Variants in CACNB4 observed in about 807,000 individuals in gnomAD.
CACNB4 encodes voltage-dependent L-type calcium channel subunit beta-4.
Under a neutral mutation model 71.2 loss-of-function variants are expected in CACNB4, and 32 were observed. That is an observed-to-expected ratio of 0.45 (90% confidence interval 0.34 to 0.60). CACNB4 has a LOEUF of 0.60. Among genes scored for constraint, CACNB4 ranks in the 20% least tolerant of loss-of-function variants. CACNB4 has a pLI of 0.01. For synonymous variants in CACNB4, 231 were observed against 236.9 expected (o/e 0.97, Z 0.23); for missense variants, 464 against 647.9 (o/e 0.72, Z 3.08).
intron 2 of CACNB4, chr2:151,883,941 G>C (rs182444003): frequency 1.7e-5 from 3 of 171,736 alleles, no homozygotes; most frequent in African/African-American, 7.2e-5. Context: ...ACACTGAGCA[G>C]AAAAACAACC....
At chr2:152,093,040 G>A (rs1328217696) in intron 2 of CACNB4, among the ~76,000 whole-genome samples, 1 of 152,088 alleles carries the variant, frequency 6.6e-6, no homozygotes, top group Non-Finnish European at 1.5e-5. Flanking sequence ...TCAGACCTCA[G>A]TTGACCGCAG....
chr2:151,952,891 C>T (rs903600464), intron 2 of CACNB4, among the ~76,000 whole-genome samples: 4 of 152,122 alleles, frequency 2.6e-5, no homozygotes, highest in South Asian at 2.1e-4. Flanking sequence ...GGATGAAAAC[C>T]GGTTTCTAGC....
chr2:152,042,898 G>A (rs891121918), intron 2 of CACNB4, among the ~76,000 whole-genome samples: 16 of 152,194 alleles, frequency 1.1e-4, no homozygotes, highest in African/African-American at 3.1e-4. Flanking sequence ...TAACGAAGCC[G>A]GCTAAAACCC....
chr2:151,870,287 A>G (rs887935371), intron 8 of CACNB4: 1 of 703,112 alleles, frequency 1.4e-6, no homozygotes, highest in East Asian at 2.7e-5. Context: ...AGATCTTCCC[A>G]TTGTGAATAT....
intron 2 of CACNB4, among the ~76,000 whole-genome samples, chr2:151,944,341 G>A (rs1349536483): frequency 1.3e-5 from 2 of 152,044 alleles, no homozygotes; most frequent in African/African-American, 2.4e-5. Flanking sequence ...CGTCCGGCCT[G>A]GGATTGTACT....
intron 4 of CACNB4, chr2:151,879,452 T>G (rs927280253): frequency 3.3e-5 from 5 of 152,080 alleles, no homozygotes; most frequent in African/African-American, 1.2e-4. Flanking sequence ...TAAGCTTTTT[T>G]TTTTTTATTA....
chr2:151,890,973 CTTAT>C (rs1330214611), intron 2 of CACNB4, among the ~76,000 whole-genome samples: 2 of 152,274 alleles, frequency 1.3e-5, no homozygotes, highest in Admixed American at 6.5e-5. Flanking sequence ...GTTCACACCA[CTTAT>C]TTACAGATTA....
In CACNB4 at chr2:152,010,783, G is replaced by A. The variant is rs13014557; in HGVS notation, c.147+87547C>T. Among the ~76,000 whole-genome samples the A allele has an allele frequency of 7.7e-3, 1,179 of 152,298 alleles. 14 individuals are homozygous for A. The highest frequency in any genetic ancestry group is 0.01 in the Non-Finnish European group (706 of 68,014). On this transcript the variant is annotated intron_variant, in intron 2 of 13. Coordinates refer to ENST00000539935, the MANE Select transcript of CACNB4 (RefSeq NM_000726.5). ...CCAGGGTCAATGATGGCCCGGCGGC[G>A]TTTGGCACTGGGGTCCTGCATCTGT... is the stretch of plus-strand genomic sequence containing the variant.
At chr2:152,066,134 C>T (rs1686305938) in intron 2 of CACNB4, among the ~76,000 whole-genome samples, 1 of 152,148 alleles carries the variant, frequency 6.6e-6, no homozygotes, top group Non-Finnish European at 1.5e-5. Flanking sequence ...CTGACGTGGC[C>T]ACGTACATGC....
intron 2 of CACNB4, among the ~76,000 whole-genome samples, chr2:151,917,342 T>C (rs2099857781): frequency 6.6e-6 from 1 of 152,092 alleles, no homozygotes; most frequent in African/African-American, 2.4e-5. Context: ...TTCTGGAGTA[T>C]AAGGAATAGA....
intron 2 of CACNB4, among the ~76,000 whole-genome samples, chr2:151,951,986 A>G (rs1023586978): frequency 6.6e-6 from 1 of 152,156 alleles, no homozygotes; most frequent in Admixed American, 6.5e-5. Context: ...TCTGCCATAG[A>G]CTGTGTGTCA....
intron 2 of CACNB4, among the ~76,000 whole-genome samples, chr2:152,060,127 T>C (rs1330380399): frequency 2.6e-5 from 4 of 152,260 alleles, no homozygotes; most frequent in Admixed American, 6.5e-5. Flanking sequence ...TGTTTCTTTA[T>C]AGCAGTGTGA....
chr2:151,889,465 C>CAAAAA (rs55990443), intron 2 of CACNB4, among the ~76,000 whole-genome samples: 1 of 94,748 alleles, frequency 1.1e-5, no homozygotes. Context: ...GACTCTGTCT[C>CAAAAA]AAAAAAAAAA....
At chr2:152,094,598 G>A (rs1255125893) in intron 2 of CACNB4, among the ~76,000 whole-genome samples, 2 of 152,114 alleles carry the variant, frequency 1.3e-5, no homozygotes, top group Non-Finnish European at 2.9e-5. Flanking sequence ...ATAGATACTC[G>A]GGGTACATGG....
At chr2:151,884,773 T>C (rs146461205) in intron 2 of CACNB4, among the ~76,000 whole-genome samples, 248 of 151,998 alleles carry the variant, frequency 1.6e-3, no homozygotes, top group African/African-American at 5.8e-3. Flanking sequence ...AGGAACATCA[T>C]CCTTACAGTT....
intron 2 of CACNB4, among the ~76,000 whole-genome samples, chr2:152,079,337 C>T (rs1687217106): frequency 2.0e-5 from 3 of 152,124 alleles, no homozygotes; most frequent in African/African-American, 7.2e-5. Flanking sequence ...ATCCGCCTGC[C>T]TCAGCCTCCC....
At chr2:151,955,816 T>C (rs2099868101) in intron 2 of CACNB4, among the ~76,000 whole-genome samples, 1 of 151,878 alleles carries the variant, frequency 6.6e-6, no homozygotes, top group Non-Finnish European at 1.5e-5. Flanking sequence ...GTGGGAGGAT[T>C]GCTTGAGCCC....
intron 2 of CACNB4, among the ~76,000 whole-genome samples, chr2:152,010,314 C>T (rs1265880915): frequency 6.6e-6 from 1 of 152,132 alleles, no homozygotes; most frequent in Non-Finnish European, 1.5e-5. Context: ...ACATGGCAAG[C>T]GTGTTATTAT....
At chr2:151,883,480 C>G in intron 2 of CACNB4, 110 bp from the exon 3 acceptor site, 1 of 964,100 alleles carries the variant, frequency 1.0e-6, no homozygotes, top group Non-Finnish European at 1.6e-6. Flanking sequence ...ATTTGATGCA[C>G]ACACTCCATG....
Sources: allele counts gnomAD v4.1 joint callset (sites outside exome capture counted in the v4.1 genomes callset), GRCh38; gene constraint gnomAD v4.1.1; transcripts MANE v1.5; gene names NCBI Gene and HGNC (gene_info 2026-07-23, HGNC 2026-07-21).